NRG3: variants seen among roughly 807,000 people sequenced by gnomAD.
NRG3 encodes the protein pro-neuregulin-3, membrane-bound isoform.
A neutral mutation model predicts 66.9 loss-of-function variants in NRG3; 31 were observed. The observed-to-expected ratio is 0.46, with a 90% CI of 0.35 to 0.63. NRG3 has a LOEUF of 0.63. Ranked by LOEUF, NRG3 falls within the 20% of genes least tolerant of loss-of-function variation. The pLI is 0.00. For synonymous variants in NRG3, 393 were observed against 359.4 expected (o/e 1.09, Z -1.06); for missense variants, 910 against 878.9 (o/e 1.04, Z -0.45).
intron 2 of NRG3, among the ~76,000 whole-genome samples, chr10:82,471,171 A>C (rs554266968): frequency 6.6e-6 from 1 of 152,222 alleles, no homozygotes; most frequent in East Asian, 1.9e-4. Flanking sequence ...TGAAAAGGGG[A>C]AAAAGGGAAA....
intron 4 of NRG3, among the ~76,000 whole-genome samples, chr10:82,943,130 G>T (rs1197523352): frequency 6.6e-6 from 1 of 152,150 alleles, no homozygotes; most frequent in Non-Finnish European, 1.5e-5. Flanking sequence ...GCTGCTTCAA[G>T]AGAAAACGGA....
At chr10:82,388,966 C>G (rs574225095) in intron 2 of NRG3, among the ~76,000 whole-genome samples, 8 of 152,234 alleles carry the variant, frequency 5.3e-5, no homozygotes, top group African/African-American at 1.9e-4. Context: ...TACAAAAGAT[C>G]CTCAGGTTAG....
intron 1 of NRG3, among the ~76,000 whole-genome samples, chr10:82,129,651 G>T (rs965097484): frequency 6.6e-6 from 1 of 152,016 alleles, no homozygotes; most frequent in Non-Finnish European, 1.5e-5. Flanking sequence ...ATGGCTCACT[G>T]CAACCTCCAC....
chr10:82,238,129 T>C (rs951042891), intron 1 of NRG3, among the ~76,000 whole-genome samples: 1 of 152,178 alleles, frequency 6.6e-6, no homozygotes, highest in African/African-American at 2.4e-5. Flanking sequence ...AGGATTTCCA[T>C]TTTATTTGGA....
chr10:82,952,064 A>G (rs1341674615), intron 5 of NRG3, among the ~76,000 whole-genome samples: 5 of 152,240 alleles, frequency 3.3e-5, no homozygotes, highest in African/African-American at 1.2e-4. Context: ...GTTGGTATGC[A>G]CATGTTGAAT....
intron 2 of NRG3, among the ~76,000 whole-genome samples, chr10:82,689,763 A>G (rs1325123530): frequency 6.6e-6 from 1 of 152,228 alleles, no homozygotes; most frequent in African/African-American, 2.4e-5. Context: ...ACTAATTGGA[A>G]GACGAAAGTG....
intron 8 of NRG3, among the ~76,000 whole-genome samples, chr10:82,980,030 C>T (rs1466109661): frequency 6.6e-6 from 1 of 151,882 alleles, no homozygotes; most frequent in African/African-American, 2.4e-5. Context: ...ATGGCAAAAC[C>T]CCATCTCTAA....
chr10:82,047,685 G>T (rs1002499675), intron 1 of NRG3, among the ~76,000 whole-genome samples: 76 of 151,338 alleles, frequency 5.0e-4, no homozygotes, highest in Non-Finnish European at 1.5e-4. Context: ...GGAAGAAACT[G>T]CATCAACTAA....
chr10:81,989,998 T>C lies in NRG3; in HGVS notation c.823+113835T>C, dbSNP rs549659659. ...CAAATTTTTTACAGTAGGAATATTATAGATCATGTATGAAACTTAAGGGAC... is the reference window on the plus strand; with the variant it reads ...CAAATTTTTTACAGTAGGAATATTACAGATCATGTATGAAACTTAAGGGAC... On this transcript the variant is annotated intron_variant, in intron 1 of 8. Transcript: ENST00000372141. 7.9e-5 allele frequency among the ~76,000 whole-genome samples: 12 copies of C among 152,268 alleles called. 1 individual carries two copies. In the East Asian group the frequency reaches 2.3e-3, roughly 29 times the overall value.
intron 2 of NRG3, among the ~76,000 whole-genome samples, chr10:82,461,589 G>A (rs771207700): frequency 3.3e-5 from 5 of 152,092 alleles, no homozygotes; most frequent in South Asian, 2.1e-4. Context: ...AAATTTGACC[G>A]TTTTTGACTG....
At chr10:82,222,929 T>C (rs938983902) in intron 1 of NRG3, among the ~76,000 whole-genome samples, 16 of 152,230 alleles carry the variant, frequency 1.1e-4, no homozygotes, top group Admixed American at 7.2e-4. Flanking sequence ...TGCTTTTGGC[T>C]AGCTTGTATA....
intron 1 of NRG3, among the ~76,000 whole-genome samples, chr10:81,923,505 G>A (rs1352374187): frequency 2.0e-5 from 3 of 152,130 alleles, no homozygotes; most frequent in Admixed American, 1.3e-4. Context: ...GCGCCCGGCC[G>A]AATTTGGAAT....
At chr10:82,890,689 G>A (rs112185234) in intron 4 of NRG3, among the ~76,000 whole-genome samples, 1 of 152,274 alleles carries the variant, frequency 6.6e-6, no homozygotes, top group East Asian at 1.9e-4. Flanking sequence ...GGTACTGCCA[G>A]ACACTTTTGT....
At chr10:82,566,918 C>G (rs148821708) in intron 2 of NRG3, among the ~76,000 whole-genome samples, 348 of 151,930 alleles carry the variant, frequency 2.3e-3, no homozygotes, top group African/African-American at 7.6e-3. Context: ...CAAATAAATT[C>G]CAAAGTTGTA....
chr10:82,533,981 A>G (rs1847562081), intron 2 of NRG3, among the ~76,000 whole-genome samples: 1 of 152,246 alleles, frequency 6.6e-6, no homozygotes, highest in African/African-American at 2.4e-5. Flanking sequence ...CTATCTGAAA[A>G]GAAAATTAGG....
intron 3 of NRG3, among the ~76,000 whole-genome samples, chr10:82,766,364 A>C (rs950715373): frequency 6.6e-6 from 1 of 152,294 alleles, no homozygotes; most frequent in East Asian, 1.9e-4. Context: ...TGAAGTGGTC[A>C]GCCTGAACAA....
chr10:82,962,411 A>G (rs1245227715), intron 6 of NRG3, among the ~76,000 whole-genome samples: 1 of 152,208 alleles, frequency 6.6e-6, no homozygotes, highest in Non-Finnish European at 1.5e-5. Context: ...TGAAAAATGA[A>G]AGAAGAAAAT....
chr10:82,791,747 A>T (rs1205664861), intron 3 of NRG3, among the ~76,000 whole-genome samples: 1 of 152,168 alleles, frequency 6.6e-6, no homozygotes, highest in Non-Finnish European at 1.5e-5. Flanking sequence ...TGTTTGCCCC[A>T]ACTTGCTTTG....
chr10:82,928,318 G>A (rs1464023100), intron 4 of NRG3, among the ~76,000 whole-genome samples: 2 of 152,022 alleles, frequency 1.3e-5, no homozygotes, highest in Non-Finnish European at 2.9e-5. Context: ...AGTTTATTTT[G>A]CTGTGCAGAA....
Sources: allele counts gnomAD v4.1 joint callset (sites outside exome capture counted in the v4.1 genomes callset), GRCh38; gene constraint gnomAD v4.1.1; transcripts MANE v1.5; gene names NCBI Gene and HGNC (gene_info 2026-07-23, HGNC 2026-07-21).